EPS15L1: variants seen among roughly 807,000 people sequenced by gnomAD.
EPS15L1 encodes epidermal growth factor receptor pathway substrate 15 like 1.
In EPS15L1, 43 loss-of-function variants were observed where a neutral mutation model predicts 117.1. That is an observed-to-expected ratio of 0.37 (90% confidence interval 0.29 to 0.47). EPS15L1 has a LOEUF of 0.47. Ranked by LOEUF, EPS15L1 falls within the 20% of genes least tolerant of loss-of-function variation. EPS15L1 has a pLI of 0.99. For missense variants in EPS15L1, 981 were observed against 1,164.0 expected (o/e 0.84, Z 2.29); for synonymous variants, 459 against 470.5 (o/e 0.98, Z 0.32).
chr19:16,377,356 C>T, intron 21 of EPS15L1, 102 bp from the exon 22 acceptor site: 1 of 1,357,308 alleles, frequency 7.4e-7, no homozygotes, highest in Non-Finnish European at 1.0e-6. Flanking sequence ...CTGGCAAGGC[C>T]TCCTACCCTC....
intron 4 of EPS15L1, among the ~76,000 whole-genome samples, chr19:16,439,735 T>C (rs777739634): frequency 1.3e-4 from 19 of 151,568 alleles, no homozygotes; most frequent in Admixed American, 2.0e-4. Flanking sequence ...ACATGCACCA[T>C]GAACCTCAAA....
intron 22 of EPS15L1, among the ~76,000 whole-genome samples, chr19:16,362,511 C>CTTTTTT (rs71178690): frequency 1.8e-5 from 1 of 56,068 alleles, no homozygotes; most frequent in Non-Finnish European, 3.7e-5. Context: ...GGTTTAAGTT[C>CTTTTTT]TTTTTTTTTT....
chr19:16,401,011 C>T (rs1440118980), intron 16 of EPS15L1: 2 of 985,306 alleles, frequency 2.0e-6, no homozygotes, highest in Admixed American at 6.2e-5. Context: ...GAGACGGAAA[C>T]ACACACGCCA....
In EPS15L1 at chr19:16,361,768, A is replaced by G. The variant is rs773465249; in HGVS notation, c.2586+11T>C. Reference sequence around the variant, plus strand: ...GAGTGGGGTGGCCCGGAGGCGGAGGACTCAACTTACAGAGGTGAAGTCTGC... The same window carrying G: ...GAGTGGGGTGGCCCGGAGGCGGAGGGCTCAACTTACAGAGGTGAAGTCTGC... On this transcript the variant is annotated intron_variant, in intron 23 of 23. Coordinates refer to ENST00000455140, the MANE Select transcript of EPS15L1 (RefSeq NM_001258374.3). 4 of 1,610,418 alleles carry G rather than the reference A, an allele frequency of 2.5e-6. No homozygotes were observed. The highest frequency in any genetic ancestry group is 2.5e-6 in the Non-Finnish European group (3 of 1,178,436).
intron 13 of EPS15L1, among the ~76,000 whole-genome samples, chr19:16,411,276 G>C (rs925325402): frequency 6.6e-6 from 1 of 152,230 alleles, no homozygotes; most frequent in African/African-American, 2.4e-5. Context: ...AAAAAGATGA[G>C]TAGTTGCCAG....
At chr19:16,420,427 G>A (rs572207024) in intron 10 of EPS15L1, among the ~76,000 whole-genome samples, 1 of 152,284 alleles carries the variant, frequency 6.6e-6, no homozygotes, top group Non-Finnish European at 1.5e-5. Context: ...TTTCTAAAAG[G>A]GACACTGGAT....
rs2092379968 is a variant in EPS15L1, at chr19:16,383,055, A to G, written c.2247+2074T>C. ...TCTTGAAAAACAGATAGGTAACCAA[A>G]AAGGAAAAACAGAGCTGCAAGGTCA... On this transcript the variant is annotated intron_variant, in intron 21 of 23. Transcript: ENST00000455140. The surrounding 1 kb of genome is among the most constrained non-coding windows in gnomAD (Gnocchi z 5.2). The G allele has an allele frequency of 1.3e-5, 2 of 152,260 alleles. No individual in the cohort carries two copies. The highest frequency in any genetic ancestry group is 2.9e-5 in the Non-Finnish European group (2 of 68,010). 9.4% of individuals were successfully genotyped at this position (152,260 alleles called of 1,614,324 possible).
At chr19:16,446,011 C>G (rs2093079825) in intron 1 of EPS15L1, among the ~76,000 whole-genome samples, 1 of 152,196 alleles carries the variant, frequency 6.6e-6, no homozygotes, top group Admixed American at 6.5e-5. Flanking sequence ...ACTCAAAATG[C>G]TAAGAGACAA....
At chr19:16,458,981 C>T (rs570679170) in intron 1 of EPS15L1, among the ~76,000 whole-genome samples, 14 of 152,330 alleles carry the variant, frequency 9.2e-5, no homozygotes, top group African/African-American at 2.6e-4. Context: ...GCCTGCTCCA[C>T]GCCTGGGCTG....
intron 7 of EPS15L1, among the ~76,000 whole-genome samples, chr19:16,429,965 C>T (rs549202089): frequency 6.6e-6 from 1 of 152,330 alleles, no homozygotes; most frequent in East Asian, 1.9e-4. Flanking sequence ...CCACCAGATG[C>T]CAGCAGCACT....
At chr19:16,464,442 A>G (rs2093281098) in intron 1 of EPS15L1, among the ~76,000 whole-genome samples, 2 of 152,350 alleles carry the variant, frequency 1.3e-5, no homozygotes, top group Middle Eastern at 3.4e-3. Flanking sequence ...GCAAGCAGAC[A>G]TCCTGTCAGT....
chr19:16,356,764 T>C (rs1324427749), intron 23 of EPS15L1: 1 of 152,188 alleles, frequency 6.6e-6, no homozygotes, highest in Non-Finnish European at 1.5e-5. Flanking sequence ...AGATAGGTGA[T>C]TTCAAACAAC....
chr19:16,433,059 C>T (rs749641020), intron 7 of EPS15L1, among the ~76,000 whole-genome samples: 3 of 152,056 alleles, frequency 2.0e-5, no homozygotes, highest in Non-Finnish European at 2.9e-5. Context: ...AATCTGCCCG[C>T]CCCAGCCTCC....
chr19:16,403,520 G>T (rs2092623370), intron 15 of EPS15L1, among the ~76,000 whole-genome samples: 1 of 152,172 alleles, frequency 6.6e-6, no homozygotes, highest in Non-Finnish European at 1.5e-5. Context: ...CTCAGGAAAG[G>T]AAAGTGAACT....
intron 1 of EPS15L1, among the ~76,000 whole-genome samples, chr19:16,457,878 G>A (rs1482977174): frequency 6.6e-6 from 1 of 151,812 alleles, no homozygotes; most frequent in African/African-American, 2.4e-5. Context: ...GGGGAGGGGG[G>A]AACACCGAGA....
chr19:16,389,134 C>T (rs1232409788), intron 19 of EPS15L1, among the ~76,000 whole-genome samples: 3 of 148,728 alleles, frequency 2.0e-5, no homozygotes, highest in Non-Finnish European at 4.5e-5. Flanking sequence ...ACTTGGGAGG[C>T]GGAGGTTGGA....
chr19:16,441,908 T>G lies in EPS15L1; in HGVS notation c.149A>C (p.Asp50Ala). The change falls in exon 3 of 24, where the codon GAC becomes GCC. Residue 50 changes from aspartate to alanine, a missense_variant. Physicochemically the swap from Asp to Ala is moderately radical, Grantham distance 126. This residue lies in a region of EPS15L1 where 62 missense variants were observed against 104.2 expected (regional missense o/e 0.59). Transcript: ENST00000455140. Reference protein sequence around the residue: ...ALFLKKSGLSDIILGKIWDLA... With the variant: ...ALFLKKSGLSAIILGKIWDLA... ...TTCACATACCTTCCCAAGGATAATGTCCGAGAGGCCAGACTTCTTTAGAAA... is the reference window on the plus strand; with the variant it reads ...TTCACATACCTTCCCAAGGATAATGGCCGAGAGGCCAGACTTCTTTAGAAA... 1.2e-6 allele frequency: 2 copies of G among 1,613,742 alleles called. No individual in the cohort carries two copies. Among genetic ancestry groups the G allele is most frequent in the Non-Finnish European group, 1.7e-6 (2 of 1,179,728 alleles).
intron 21 of EPS15L1, among the ~76,000 whole-genome samples, chr19:16,382,828 T>C (rs924734318): frequency 6.6e-6 from 1 of 151,990 alleles, no homozygotes; most frequent in African/African-American, 2.4e-5. Context: ...CAAAGGAAAC[T>C]TCTAGAATCA....
chr19:16,442,409 A>G (rs1421666485), intron 1 of EPS15L1, among the ~76,000 whole-genome samples, 190 bp from the exon 2 acceptor site: 1 of 152,196 alleles, frequency 6.6e-6, no homozygotes, highest in East Asian at 1.9e-4. Context: ...TGCTTACCTG[A>G]TTTAGAAAAA....
Sources: allele counts gnomAD v4.1 joint callset (sites outside exome capture counted in the v4.1 genomes callset), GRCh38; gene constraint gnomAD v4.1.1; regional missense constraint gnomAD v4.1.1; non-coding constraint Gnocchi (gnomAD v3.1); transcripts MANE v1.5; gene names NCBI Gene and HGNC (gene_info 2026-07-23, HGNC 2026-07-21).